DNAJC5B: variants seen among roughly 807,000 people sequenced by gnomAD.
The protein encoded by DNAJC5B is dnaJ homolog subfamily C member 5B.
A neutral mutation model predicts 24.7 loss-of-function variants in DNAJC5B; 23 were observed. That is an observed-to-expected ratio of 0.93 (90% CI 0.67 to 1.32). The LOEUF is 1.32. Among genes scored for constraint, DNAJC5B ranks in the 40% most tolerant of loss-of-function variants. DNAJC5B has a pLI of 0.00. For missense variants in DNAJC5B, 238 were observed against 240.8 expected (o/e 0.99, Z 0.08); for synonymous variants, 101 against 90.1 (o/e 1.12, Z -0.68).
chr8:66,051,836 A>C (rs1259538743), intron 3 of DNAJC5B, among the ~76,000 whole-genome samples, 170 bp downstream of exon 3: 2 of 152,218 alleles, frequency 1.3e-5, no homozygotes, highest in African/African-American at 4.8e-5. Context: ...CATGACAGTG[A>C]TTTTATGAAA....
chr8:66,028,955 AC>A (rs1806304126), intron 1 of DNAJC5B, among the ~76,000 whole-genome samples: 1 of 152,100 alleles, frequency 6.6e-6, no homozygotes, highest in African/African-American at 2.4e-5. Context: ...CCCCTTGGCT[AC>A]CCATTTATCC....
In DNAJC5B at chr8:66,051,578, C is replaced by T. The variant is rs188306348; in HGVS notation, c.31C>T (p.Arg11Trp). 31 of 1,613,840 alleles carry T rather than the reference C, an allele frequency of 1.9e-5. 1 individual carries two copies. The highest frequency in any genetic ancestry group is 4.4e-5 in the South Asian group (4 of 91,008). ...ATGTAACATACCTAACCAAAGACAG[C>T]GGACTCTGTCAACAACAGGAGAAGC... is the stretch of plus-strand genomic sequence containing the variant. MACNIPNQRQRTLSTTGEALY... is the reference protein window; with the variant it reads MACNIPNQRQWTLSTTGEALY... The change falls in exon 3 of 6, where the codon CGG (arginine) becomes TGG (tryptophan). Residue 11 changes from arginine to tryptophan, a missense_variant. Coordinates refer to ENST00000276570, the MANE Select transcript of DNAJC5B (RefSeq NM_033105.6).
At chr8:66,039,335 C>A (rs543204457) in intron 1 of DNAJC5B, among the ~76,000 whole-genome samples, 143 of 151,066 alleles carry the variant, frequency 9.5e-4, no homozygotes, top group Non-Finnish European at 1.6e-3. Flanking sequence ...CATAAAAACA[C>A]CCACTTCATA....
intron 5 of DNAJC5B, among the ~76,000 whole-genome samples, chr8:66,086,974 A>T (rs1457155208): frequency 6.6e-6 from 1 of 152,198 alleles, no homozygotes; most frequent in Non-Finnish European, 1.5e-5. Context: ...ACCTTACTAT[A>T]CTAAAAAATA....
chr8:66,048,296 T>C (rs1359111270), intron 2 of DNAJC5B, among the ~76,000 whole-genome samples: 1 of 152,126 alleles, frequency 6.6e-6, no homozygotes, highest in Non-Finnish European at 1.5e-5. Context: ...CCAGCCCTTC[T>C]CCTATCAGGC....
intron 5 of DNAJC5B, among the ~76,000 whole-genome samples, chr8:66,093,799 C>A (rs1807895600): frequency 6.6e-6 from 1 of 152,042 alleles, no homozygotes; most frequent in Non-Finnish European, 1.5e-5. Context: ...CCTGTGCTAC[C>A]TCAAACATAT....
At chr8:66,038,086 T>C (rs952092600) in intron 1 of DNAJC5B, among the ~76,000 whole-genome samples, 4 of 152,210 alleles carry the variant, frequency 2.6e-5, no homozygotes, top group Non-Finnish European at 5.9e-5. Context: ...CATTCAGTCT[T>C]TTTATTTAAC....
At chr8:66,035,020 G>T (rs929982890) in intron 1 of DNAJC5B, among the ~76,000 whole-genome samples, 1 of 152,106 alleles carries the variant, frequency 6.6e-6, no homozygotes, top group Non-Finnish European at 1.5e-5. Context: ...TTTAGCTATC[G>T]ACATTTTTCA....
rs576707265 is a variant in DNAJC5B at position 66,040,876 on chromosome 8, C to T, written c.-141-2612C>T. On this transcript the variant is annotated intron_variant, in intron 1 of 5. Transcript: ENST00000276570. ...TCAGCACACATTAAAATTCTCTCCC[C>T]TTTGTAACTTCTCTTTAAAAGGGAC... is the stretch of plus-strand genomic sequence containing the variant. Among the ~76,000 whole-genome samples, 17 of 152,288 alleles carry T rather than the reference C, an allele frequency of 1.1e-4. No individual in the cohort carries two copies. The East Asian group carries it at 1.9e-3, about 17-fold the overall frequency.
intron 5 of DNAJC5B, among the ~76,000 whole-genome samples, chr8:66,099,112 C>A (rs1187525472): frequency 1.3e-5 from 2 of 151,642 alleles, no homozygotes; most frequent in Non-Finnish European, 2.9e-5. Context: ...GCTCATGTTT[C>A]TTGCAATTTT....
At chr8:66,090,097 A>C (rs1207515537) in intron 5 of DNAJC5B, among the ~76,000 whole-genome samples, 1 of 152,088 alleles carries the variant, frequency 6.6e-6, no homozygotes, top group East Asian at 1.9e-4. Flanking sequence ...GGGGTGGTAT[A>C]TTTTTAAAAA....
intron 4 of DNAJC5B, 134 bp downstream of exon 4, chr8:66,077,007 C>T (rs943542539): frequency 4.8e-6 from 4 of 840,770 alleles, no homozygotes; most frequent in Non-Finnish European, 7.5e-6. Context: ...ATTGCTTCCA[C>T]TGAATGCTAT....
chr8:66,054,985 C>T (rs924395312), intron 3 of DNAJC5B, among the ~76,000 whole-genome samples: 1 of 152,166 alleles, frequency 6.6e-6, no homozygotes, highest in African/African-American at 2.4e-5. Flanking sequence ...TGACATCCAA[C>T]TTCCTTGTAA....
intron 5 of DNAJC5B, among the ~76,000 whole-genome samples, chr8:66,084,651 A>G (rs927761961): frequency 6.6e-6 from 1 of 152,176 alleles, no homozygotes; most frequent in Non-Finnish European, 1.5e-5. Flanking sequence ...AAAGGAGGGC[A>G]TAGAGTCTAA....
chr8:66,083,297 C>A (rs139193780), intron 5 of DNAJC5B, among the ~76,000 whole-genome samples: 335 of 151,910 alleles, frequency 2.2e-3, no homozygotes, highest in African/African-American at 7.9e-3. Context: ...AGGTGTGAGC[C>A]ACCACACCTG....
intron 2 of DNAJC5B, among the ~76,000 whole-genome samples, chr8:66,044,630 G>C (rs559894666): frequency 6.6e-6 from 1 of 152,174 alleles, no homozygotes; most frequent in East Asian, 1.9e-4. Flanking sequence ...TTATCAAGAG[G>C]CACCTGAGCA....
chr8:66,052,732 C>G (rs920294522), intron 3 of DNAJC5B, among the ~76,000 whole-genome samples: 1 of 152,142 alleles, frequency 6.6e-6, no homozygotes, highest in African/African-American at 2.4e-5. Context: ...ATTTGTCCCA[C>G]CTATAAGGCA....
At chr8:66,028,084 G>A (rs1176814946) in intron 1 of DNAJC5B, among the ~76,000 whole-genome samples, 3 of 152,198 alleles carry the variant, frequency 2.0e-5, no homozygotes, top group African/African-American at 7.2e-5. Context: ...GGCTCAGAGC[G>A]AAGAAGCAGT....
chr8:66,071,452 G>A (rs1224842282), intron 3 of DNAJC5B, among the ~76,000 whole-genome samples: 1 of 152,168 alleles, frequency 6.6e-6, no homozygotes, highest in Non-Finnish European at 1.5e-5. Context: ...ATGAAAAAAT[G>A]CTCATCATCA....
Sources: gnomAD v4.1 joint callset for allele counts (sites outside exome capture counted in the v4.1 genomes callset) on GRCh38, gnomAD v4.1.1 for gene constraint, MANE v1.5 for transcripts, NCBI Gene and HGNC (gene_info 2026-07-23, HGNC 2026-07-21) for gene names.